Variants in NUAK1 observed in about 807,000 individuals in gnomAD.
The protein encoded by NUAK1 is NUAK family SNF1-like kinase 1.
A neutral mutation model predicts 56.9 loss-of-function variants in NUAK1; 26 were observed. The ratio of observed to expected loss-of-function variants is 0.46; its 90% CI spans 0.33 to 0.63. NUAK1 has a LOEUF of 0.63. Among genes scored for constraint, NUAK1 ranks in the 30% least tolerant of loss-of-function variants. The pLI, the probability that NUAK1 is intolerant of heterozygous loss-of-function variation, is 0.02. For synonymous variants in NUAK1, 337 were observed against 336.0 expected, an observed-to-expected ratio of 1.00 and a Z score of -0.03; for missense variants, 727 against 876.1, an observed-to-expected ratio of 0.83 and a Z score of 2.15.
intron 1 of NUAK1, among the ~76,000 whole-genome samples, chr12:106,122,603 T>C (rs1362475999): frequency 6.6e-6 from 1 of 152,172 alleles, no homozygotes; most frequent in Admixed American, 6.5e-5. Context: ...CCTCCATTTA[T>C]CACAAGAGAA....
chr12:106,121,211 G>A (rs943032693), intron 1 of NUAK1, among the ~76,000 whole-genome samples: 4 of 152,168 alleles, frequency 2.6e-5, no homozygotes, highest in Non-Finnish European at 4.4e-5. Context: ...TCTGAGCATC[G>A]GTTTCTTTAA....
Position 106,067,241 on chromosome 12 carries a change from C to A in NUAK1, c.1547G>T (p.Ser516Ile). The A allele has an allele frequency of 1.2e-6, 2 of 1,613,922 alleles. No individual in the cohort carries two copies. The highest frequency in any genetic ancestry group is 1.7e-6 in the Non-Finnish European group (2 of 1,179,984). Residue 516 changes from serine (S) to isoleucine (I), a missense_variant, in exon 7 of 7, where the codon AGC (serine) becomes ATC (isoleucine). By Grantham distance (142) the Ser-to-Ile change is moderately radical. Transcript: ENST00000261402. This position sits in a 1 kb window ranked among gnomAD's most constrained non-coding sequence, Gnocchi z 6.0. ...GATGCCCTTCCTCCGGCAGGAGAGG[C>A]TGTGGGAGGTTACCCTGGCTGGGTC... is the stretch of plus-strand genomic sequence containing the variant. Reference protein sequence around the residue: ...PPDPARVTSHSLSCRRKGILK... With the variant: ...PPDPARVTSHILSCRRKGILK...
chr12:106,071,181 C>G (rs185770886), intron 5 of NUAK1, among the ~76,000 whole-genome samples: 2 of 152,196 alleles, frequency 1.3e-5, no homozygotes, highest in African/African-American at 2.4e-5. Context: ...ATCCTCACTA[C>G]AATTTTGTGA....
intron 1 of NUAK1, among the ~76,000 whole-genome samples, chr12:106,114,663 GA>G (rs1323721532): frequency 6.6e-6 from 1 of 152,222 alleles, no homozygotes; most frequent in Non-Finnish European, 1.5e-5. Context: ...AGCAGCACTG[GA>G]ATTGCAACAA....
At chr12:106,104,194 T>A (rs535456761) in intron 2 of NUAK1, 1 of 152,116 alleles carries the variant, frequency 6.6e-6, no homozygotes, top group African/African-American at 2.4e-5. Flanking sequence ...GCCTTCCAAA[T>A]AGCTGGGATT....
chr12:106,085,708 T>C (rs2032563640), intron 3 of NUAK1, among the ~76,000 whole-genome samples: 1 of 152,094 alleles, frequency 6.6e-6, no homozygotes, highest in South Asian at 2.1e-4. Context: ...ATTATTATTG[T>C]TATTATTATT....
intron 2 of NUAK1, among the ~76,000 whole-genome samples, chr12:106,097,525 G>C (rs914296521): frequency 6.6e-6 from 1 of 152,202 alleles, no homozygotes; most frequent in African/African-American, 2.4e-5. Context: ...GCCTTCAAAA[G>C]AACCTATATC....
chr12:106,070,953 C>T (rs1158954352), intron 5 of NUAK1, 47 bp from the exon 6 acceptor site: 6 of 1,608,854 alleles, frequency 3.7e-6, no homozygotes, highest in Non-Finnish European at 5.1e-6. Context: ...AAACAGATCC[C>T]AAGATGCCTT....
chr12:106,075,036 C>G (rs541451552), intron 4 of NUAK1, among the ~76,000 whole-genome samples: 2 of 152,162 alleles, frequency 1.3e-5, no homozygotes, highest in Non-Finnish European at 2.9e-5. Flanking sequence ...TCCAAATACA[C>G]GTGCGTGTGA....
At chr12:106,123,138 A>G (rs1178460032) in intron 1 of NUAK1, among the ~76,000 whole-genome samples, 6 of 152,252 alleles carry the variant, frequency 3.9e-5, no homozygotes, top group African/African-American at 1.4e-4. Flanking sequence ...TGCTTAGTGC[A>G]TACCAGGAAC....
intron 2 of NUAK1, among the ~76,000 whole-genome samples, chr12:106,096,418 A>G (rs1422524614): frequency 1.3e-5 from 2 of 152,226 alleles, no homozygotes; most frequent in Non-Finnish European, 2.9e-5. Flanking sequence ...ACAGGCTCAC[A>G]GCTGAAGCAC....
At chr12:106,083,553 G>A (rs2032540154) in intron 4 of NUAK1, among the ~76,000 whole-genome samples, 1 of 152,204 alleles carries the variant, frequency 6.6e-6, no homozygotes, top group African/African-American at 2.4e-5. Flanking sequence ...ATATGTATTG[G>A]TTGCTAAAAG....
chr12:106,116,150 C>T (rs1424285690), intron 1 of NUAK1, among the ~76,000 whole-genome samples: 1 of 152,168 alleles, frequency 6.6e-6, no homozygotes, highest in Non-Finnish European at 1.5e-5. Flanking sequence ...GCCTAATGTA[C>T]AGTATATACA....
chr12:106,079,334 C>A (rs1007218036), intron 4 of NUAK1, among the ~76,000 whole-genome samples: 2 of 152,154 alleles, frequency 1.3e-5, no homozygotes, highest in Non-Finnish European at 2.9e-5. Context: ...CAAACTCCTA[C>A]CCATCCCTCA....
At chr12:106,083,748 C>T (rs988485375) in intron 4 of NUAK1, 116 bp downstream of exon 4, 2 of 817,600 alleles carry the variant, frequency 2.4e-6, no homozygotes, top group African/African-American at 3.4e-5. Context: ...TCCCCACCAG[C>T]CTGCCAGGTA....
At chr12:106,098,581 T>C (rs1011008010) in intron 2 of NUAK1, among the ~76,000 whole-genome samples, 3 of 152,026 alleles carry the variant, frequency 2.0e-5, no homozygotes, top group African/African-American at 4.8e-5. Context: ...AAAGAACCCA[T>C]AAAGAGATGC....
chr12:106,080,412 T>C (rs923656381), intron 4 of NUAK1, among the ~76,000 whole-genome samples: 2 of 152,188 alleles, frequency 1.3e-5, no homozygotes, highest in Non-Finnish European at 2.9e-5. Flanking sequence ...TCCCAGAGAG[T>C]GGGCTGTGAA....
At chr12:106,133,875 C>T (rs749994531) in intron 1 of NUAK1, among the ~76,000 whole-genome samples, 9 of 152,306 alleles carry the variant, frequency 5.9e-5, no homozygotes, top group Admixed American at 3.3e-4. Context: ...GCTGGAAGCT[C>T]CCTGGGTCTT....
chr12:106,109,569 A>G (rs563186580), intron 1 of NUAK1, among the ~76,000 whole-genome samples: 8 of 152,154 alleles, frequency 5.3e-5, no homozygotes, highest in South Asian at 2.1e-4. Flanking sequence ...AAAAAAAAAA[A>G]AAAAAGAAAA....
Sources: gnomAD v4.1 joint callset for allele counts (sites outside exome capture counted in the v4.1 genomes callset) on GRCh38, gnomAD v4.1.1 for gene constraint, Gnocchi (gnomAD v3.1) non-coding constraint, MANE v1.5 for transcripts, NCBI Gene and HGNC (gene_info 2026-07-23, HGNC 2026-07-21) for gene names.